Variants in UBR3 observed in about 807,000 individuals in gnomAD.
UBR3 encodes the protein ubiquitin protein ligase E3 component n-recognin 3.
UBR3 carries 85 observed loss-of-function variants against 243.2 expected under a neutral mutation model. The observed-to-expected ratio is 0.35, with a 90% CI of 0.29 to 0.42. The LOEUF (loss-of-function observed/expected upper bound fraction) is 0.42. Ranked by LOEUF, UBR3 falls within the 10% of genes least tolerant of loss-of-function variation. The pLI is 1.00. For synonymous variants in UBR3, 748 were observed against 799.8 expected (o/e 0.94, Z 1.09); for missense variants, 1,686 against 2,300.8 (o/e 0.73, Z 5.47).
chr2:169,997,271 C>T (rs755180646), intron 26 of UBR3, among the ~76,000 whole-genome samples: 36 of 152,194 alleles, frequency 2.4e-4, no homozygotes, highest in Non-Finnish European at 4.6e-4. Flanking sequence ...GGCTGGCTGG[C>T]AGGCTGCGCT....
chr2:169,966,051 G>A (rs769691408), intron 24 of UBR3, among the ~76,000 whole-genome samples: 10 of 152,132 alleles, frequency 6.6e-5, no homozygotes, highest in Non-Finnish European at 1.2e-4. Flanking sequence ...CATTTCTACT[G>A]TGATTAGCAC....
In UBR3 at chr2:169,907,903, C is replaced by G. The variant is rs992045538; in HGVS notation, c.1779+1739C>G. 3.3e-5 allele frequency among the ~76,000 whole-genome samples: 5 copies of G among 152,070 alleles called. No individual in the cohort carries two copies. In the East Asian group the frequency reaches 9.6e-4, roughly 29 times the overall value. Reference sequence around the variant, plus strand: ...TCTTCTGCCTCCACCTCCCAAGTAGCTGGGATTACAAGTGTGCACCACCAT... The same window carrying G: ...TCTTCTGCCTCCACCTCCCAAGTAGGTGGGATTACAAGTGTGCACCACCAT... On this transcript the variant is annotated intron_variant, in intron 10 of 38. Coordinates refer to ENST00000272793, the MANE Select transcript of UBR3 (RefSeq NM_172070.4).
At chr2:169,942,764 G>A in intron 20 of UBR3, 130 bp downstream of exon 20, 1 of 923,546 alleles carries the variant, frequency 1.1e-6, no homozygotes, top group South Asian at 2.8e-5. Flanking sequence ...GATGTATGAA[G>A]ATATGTTATA....
chr2:169,844,490 CTCTTTT>C (rs1247294291), intron 1 of UBR3, among the ~76,000 whole-genome samples: 4 of 104,152 alleles, frequency 3.8e-5, no homozygotes, highest in Admixed American at 1.5e-4. Flanking sequence ...GAAACCCTCT[CTCTTTT>C]TTTTTTTTTT....
At chr2:169,966,007 TTAAG>T (rs2087790888) in intron 24 of UBR3, among the ~76,000 whole-genome samples, 1 of 152,206 alleles carries the variant, frequency 6.6e-6, no homozygotes, top group Non-Finnish European at 1.5e-5. Context: ...ATTAGGTAGT[TTAAG>T]TATGAAAACT....
At chr2:170,017,529 A>ATT (rs2090274127) in intron 30 of UBR3, among the ~76,000 whole-genome samples, 4 of 26,394 alleles carry the variant, frequency 1.5e-4, no homozygotes, top group Admixed American at 9.0e-4. Flanking sequence ...ACGGACACAC[A>ATT]CACACACACA....
intron 23 of UBR3, among the ~76,000 whole-genome samples, chr2:169,955,372 G>T (rs2087231619): frequency 6.6e-6 from 1 of 152,026 alleles, no homozygotes; most frequent in Admixed American, 6.6e-5. Flanking sequence ...TCATATGCTT[G>T]TTATTAATTT....
intron 32 of UBR3, among the ~76,000 whole-genome samples, chr2:170,041,812 G>A (rs1353377673): frequency 6.6e-6 from 1 of 152,156 alleles, no homozygotes; most frequent in Non-Finnish European, 1.5e-5. Flanking sequence ...ACCTAAGGGT[G>A]TGAAATAATC....
intron 33 of UBR3, among the ~76,000 whole-genome samples, chr2:170,058,403 T>A (rs1325714282): frequency 2.6e-5 from 4 of 152,180 alleles, no homozygotes; most frequent in African/African-American, 7.2e-5. Flanking sequence ...GTGTAACTCA[T>A]ACTTTTTTGG....
intron 3 of UBR3, among the ~76,000 whole-genome samples, chr2:169,876,238 G>T (rs2083602726): frequency 1.3e-5 from 2 of 151,920 alleles, no homozygotes; most frequent in African/African-American, 4.8e-5. Context: ...CCGCCACTAC[G>T]CCCAGCTAAT....
chr2:169,995,222 TA>T (rs1223195201), intron 26 of UBR3, among the ~76,000 whole-genome samples: 1 of 152,202 alleles, frequency 6.6e-6, no homozygotes, highest in Non-Finnish European at 1.5e-5. Context: ...TGTTTGTTTT[TA>T]AACTGCATGG....
intron 24 of UBR3, among the ~76,000 whole-genome samples, chr2:169,963,501 C>G (rs1175261127): frequency 6.6e-6 from 1 of 150,804 alleles, no homozygotes; most frequent in African/African-American, 2.4e-5. Context: ...ATTTTTTTTT[C>G]TATCTTTATT....
At chr2:170,066,683 T>C (rs757049253) in intron 35 of UBR3, among the ~76,000 whole-genome samples, 39 of 152,204 alleles carry the variant, frequency 2.6e-4, no homozygotes, top group Non-Finnish European at 5.0e-4. Flanking sequence ...AACTTCGTTA[T>C]AGGCTGGGTG....
Position 170,072,014 on chromosome 2 carries a change from C to T in UBR3, c.5020-1414C>T, listed in dbSNP as rs574629113. The stretch of plus-strand genomic sequence containing the variant: ...TCAACCATTGTGGAAGTCAGTGTGG[C>T]GATTCCTCAGGGATCTAGAGCTAGA... On this transcript the variant is annotated intron_variant, in intron 35 of 38. Transcript: ENST00000272793. 4.5e-4 allele frequency among the ~76,000 whole-genome samples: 69 copies of T among 152,194 alleles called. 2 individuals carry two copies. In the South Asian group the frequency reaches 8.3e-3, roughly 18 times the overall value.
intron 8 of UBR3, among the ~76,000 whole-genome samples, chr2:169,900,191 G>C (rs534510645): frequency 1.3e-5 from 2 of 152,262 alleles, no homozygotes; most frequent in Non-Finnish European, 2.9e-5. Flanking sequence ...TCGCCGTTCT[G>C]ACTGGCCTGA....
intron 32 of UBR3, among the ~76,000 whole-genome samples, chr2:170,047,791 T>C (rs1222486206): frequency 6.6e-6 from 1 of 152,224 alleles, no homozygotes; most frequent in African/African-American, 2.4e-5. Flanking sequence ...TGAAATCTCA[T>C]GCTGTCTTGT....
rs145112078 is a variant in UBR3 at position 170,040,743 on chromosome 2, T to G, written c.4557-139T>G. On this transcript the variant is annotated intron_variant, in intron 31 of 38. Transcript: ENST00000272793. ...GTAATTTTTTTGCAAAAAATATGAC[T>G]CCTAAGGTTTTTTTTTACATTTCTT... The G allele has an allele frequency of 1.1e-3, 756 of 699,358 alleles. 4 individuals carry two copies. In the African/African-American group the frequency reaches 0.012, roughly 11 times the overall value. The allele number at this position is 699,358 out of a possible 1,614,324, so 43.3% of individuals were successfully genotyped here. A position where few individuals can be genotyped will look rare whatever the true frequency, so the allele number is the denominator to read the frequency against.
chr2:170,072,780 T>A (rs2105456379), intron 35 of UBR3, among the ~76,000 whole-genome samples: 1 of 152,212 alleles, frequency 6.6e-6, no homozygotes, highest in East Asian at 1.9e-4. Context: ...ATTAGCTTCC[T>A]ATGTGGTCTT....
At chr2:169,869,167 C>CT (rs1184256560) in intron 1 of UBR3, among the ~76,000 whole-genome samples, 1 of 127,218 alleles carries the variant, frequency 7.9e-6, no homozygotes, top group African/African-American at 2.9e-5. Context: ...CACAGTCTCT[C>CT]TGCCTTTTTT....
Sources: gnomAD v4.1 joint callset for allele counts (sites outside exome capture counted in the v4.1 genomes callset) on GRCh38, gnomAD v4.1.1 for gene constraint, MANE v1.5 for transcripts, NCBI Gene and HGNC (gene_info 2026-07-23, HGNC 2026-07-21) for gene names.